The following KIAA0319L variants were observed in gnomAD, a reference collection of about 807,000 sequenced individuals.
KIAA0319L encodes the protein KIAA0319 like, also known as dyslexia-associated protein KIAA0319-like protein.
In KIAA0319L, 55 loss-of-function variants were observed where a neutral mutation model predicts 120.1. The ratio of observed to expected loss-of-function variants is 0.46; its 90% CI spans 0.37 to 0.57. The LOEUF (loss-of-function observed/expected upper bound fraction) is 0.57, where lower values mean the gene tolerates loss of function less well. Among genes scored for constraint, KIAA0319L ranks in the 20% least tolerant of loss-of-function variants. KIAA0319L has a pLI of 0.00. For synonymous variants in KIAA0319L, 398 were observed against 471.9 expected, an observed-to-expected ratio of 0.84 and a Z score of 2.03; for missense variants, 1,049 against 1,255.3, an observed-to-expected ratio of 0.84 and a Z score of 2.48.
chr1:35,488,922 G>A (rs1644486139), intron 3 of KIAA0319L, among the ~76,000 whole-genome samples: 1 of 152,212 alleles, frequency 6.6e-6, no homozygotes, highest in Non-Finnish European at 1.5e-5. Context: ...GAGACAGCAA[G>A]TGCAGACTAC....
rs757502304 is a variant in KIAA0319L at position 35,434,882 on chromosome 1, C to CA, written c.*11dup. The CA allele has an allele frequency of 6.2e-7, 1 of 1,610,262 alleles. No homozygotes were observed. Among genetic ancestry groups the CA allele is most frequent in the South Asian group, 1.1e-5 (1 of 90,764 alleles). Reference sequence around the variant, plus strand: ...TGTGCTGGGCCCTGCCCTGAGGAGACAGACCAGGTGGCTACAGGATCTCCT... The same window carrying CA: ...TGTGCTGGGCCCTGCCCTGAGGAGACAAGACCAGGTGGCTACAGGATCTCCT... On this transcript the variant is annotated 3_prime_UTR_variant, in exon 21 of 21. Transcript: ENST00000325722.
At chr1:35,481,523 T>C (rs1644162578) in intron 3 of KIAA0319L, among the ~76,000 whole-genome samples, 1 of 152,204 alleles carries the variant, frequency 6.6e-6, no homozygotes. Context: ...TGATGACTAA[T>C]AATATTGAGC....
chr1:35,479,304 T>C (rs1644044826), intron 3 of KIAA0319L, 92 bp from the exon 4 acceptor site: 3 of 1,043,344 alleles, frequency 2.9e-6, no homozygotes, highest in Non-Finnish European at 4.2e-6. Context: ...AAATGTTCTC[T>C]TGAAAAATGC....
intron 6 of KIAA0319L, 44 bp from the exon 7 acceptor site, chr1:35,466,739 G>C (rs1396133559): frequency 7.8e-7 from 1 of 1,276,166 alleles, no homozygotes. Flanking sequence ...ACAAAGAGCA[G>C]GAATTACATT....
chr1:35,501,642 C>T (rs992147720), intron 3 of KIAA0319L, among the ~76,000 whole-genome samples: 1 of 151,314 alleles, frequency 6.6e-6, no homozygotes, highest in South Asian at 2.1e-4. Context: ...TTTGGGAGGC[C>T]GAGGCAGGCA....
chr1:35,557,513 G>A (rs1648300526), upstream of KIAA0319L: 2 of 364,762 alleles, frequency 5.5e-6, no homozygotes, highest in African/African-American at 4.3e-5. Context: ...AGACCAAGGG[G>A]GAGGAGGGGC....
chr1:35,441,012 A>ACAGACCTAGAAGTGC, intron 20 of KIAA0319L, 35 bp downstream of exon 20: 1 of 1,524,852 alleles, frequency 6.6e-7, no homozygotes, highest in Admixed American at 1.7e-5. Context: ...GAGAGAGTGC[A>ACAGACCTAGAAGTGC]CAGACCTAGA....
rs948444517 is a variant in KIAA0319L, at chr1:35,434,261, T to G, written c.*633A>C. ...CACCAAACCCGGCTAATTTTTTTTTTTATTTTTAGTAGAGATGGGGTTTCA... is the reference window on the plus strand; with the variant it reads ...CACCAAACCCGGCTAATTTTTTTTTGTATTTTTAGTAGAGATGGGGTTTCA... On this transcript the variant is annotated 3_prime_UTR_variant, in exon 21 of 21. Coordinates refer to ENST00000325722, the MANE Select transcript of KIAA0319L (RefSeq NM_024874.5). 2 of 151,904 alleles carry G rather than the reference T, an allele frequency of 1.3e-5. No homozygotes were observed. The highest frequency in any genetic ancestry group is 2.4e-5 in the African/African-American group (1 of 41,320). 9.4% of individuals were successfully genotyped at this position (151,904 alleles called of 1,614,324 possible).
chr1:35,548,177 C>A (rs1380159304), intron 2 of KIAA0319L, among the ~76,000 whole-genome samples: 1 of 151,780 alleles, frequency 6.6e-6, no homozygotes. Flanking sequence ...AAATTCTACC[C>A]ATCTCTTTAG....
chr1:35,462,858 C>A, intron 7 of KIAA0319L, 145 bp from the exon 8 acceptor site: 565 of 474,168 alleles, frequency 1.2e-3, no homozygotes, highest in East Asian at 2.6e-3. Flanking sequence ...TTGTGGAAGA[C>A]AATTTTTCCA....
At position 35,506,556 on chromosome 1, in the gene KIAA0319L, C is replaced by T; in HGVS notation, c.666+56G>A. ...GCATCAGCTTCATTGCTCATATATA[C>T]CAAATGTAAGAGCAGATTTAACCAT... is the stretch of plus-strand genomic sequence containing the variant. On this transcript the variant is annotated intron_variant, in intron 3 of 20. Coordinates refer to ENST00000325722, the MANE Select transcript of KIAA0319L (RefSeq NM_024874.5). This position sits in a 1 kb window ranked among gnomAD's most constrained non-coding sequence, Gnocchi z 4.0. 10 of 1,509,656 alleles carry T rather than the reference C, an allele frequency of 6.6e-6. No homozygotes were observed. Among genetic ancestry groups the T allele is most frequent in the Middle Eastern group, 1.9e-4 (1 of 5,400 alleles). The allele number at this position is 1,509,656 out of a possible 1,614,324, so 93.5% of individuals were successfully genotyped here.
intron 2 of KIAA0319L, among the ~76,000 whole-genome samples, chr1:35,543,423 T>C (rs557213066): frequency 1.3e-5 from 2 of 152,332 alleles, no homozygotes; most frequent in South Asian, 4.1e-4. Context: ...TGCTGTAAGA[T>C]ATATTCCATT....
At chr1:35,445,317 C>A (rs1409926176) in intron 16 of KIAA0319L, among the ~76,000 whole-genome samples, 1 of 151,474 alleles carries the variant, frequency 6.6e-6, no homozygotes, top group Non-Finnish European at 1.5e-5. Context: ...AACAAACAAA[C>A]AAAAAAAAAC....
chr1:35,442,879 T>A (rs758385655), intron 18 of KIAA0319L, 27 bp downstream of exon 18: 1 of 1,614,138 alleles, frequency 6.2e-7, no homozygotes, highest in South Asian at 1.1e-5. Flanking sequence ...CCAAACAGGC[T>A]GGCACTGTGC....
At position 35,456,055 on chromosome 1, in the gene KIAA0319L, C is replaced by A; in HGVS notation, c.1614G>T (p.Trp538Cys). The A allele has an allele frequency of 6.2e-7, 1 of 1,613,958 alleles. No individual in the cohort carries two copies. Among genetic ancestry groups the A allele is most frequent in the Non-Finnish European group, 8.5e-7 (1 of 1,179,912 alleles). The change falls in exon 10 of 21, where the codon TGG becomes TGT. Residue 538 changes from tryptophan to cysteine, a missense_variant. Trp to Cys is a radical substitution (Grantham distance 215). Transcript: ENST00000325722. ...TCCCTTTGCTGCTTGGGCTGAGTGA[C>A]CACTCATAGCTGGTGATGCCATGAT... The part of the protein sequence containing the change: ...TDDHGITSYE[W>C]SLSPSSKGKV...
At chr1:35,526,390 T>TATATATATATATATATATACACATAC (rs1646139557) in intron 2 of KIAA0319L, among the ~76,000 whole-genome samples, 1 of 79,122 alleles carries the variant, frequency 1.3e-5, no homozygotes, top group Non-Finnish European at 2.0e-5. Flanking sequence ...TATACATACA[T>TATATATATATATATATATACACATAC]ATATATATAT....
intron 2 of KIAA0319L, among the ~76,000 whole-genome samples, chr1:35,532,764 G>A (rs1334310077): frequency 6.6e-6 from 1 of 152,208 alleles, no homozygotes; most frequent in Non-Finnish European, 1.5e-5. Flanking sequence ...GCTTACAGTT[G>A]GTAGAACCTT....
At chr1:35,545,701 C>G (rs1646955978) in intron 2 of KIAA0319L, among the ~76,000 whole-genome samples, 1 of 152,040 alleles carries the variant, frequency 6.6e-6, no homozygotes, top group Non-Finnish European at 1.5e-5. Flanking sequence ...TTGAGACCAG[C>G]CTGGCCAACA....
At chr1:35,462,140 A>G (rs1642942006) in intron 8 of KIAA0319L, among the ~76,000 whole-genome samples, 1 of 152,192 alleles carries the variant, frequency 6.6e-6, no homozygotes, top group Non-Finnish European at 1.5e-5. Context: ...AATGTTAAGA[A>G]GCCCAGACCA....
Sources: gnomAD v4.1 joint callset for allele counts (sites outside exome capture counted in the v4.1 genomes callset) on GRCh38, gnomAD v4.1.1 for gene constraint, Gnocchi (gnomAD v3.1) non-coding constraint, MANE v1.5 for transcripts, NCBI Gene and HGNC (gene_info 2026-07-23, HGNC 2026-07-21) for gene names.